KLHL18: variants seen among roughly 807,000 people sequenced by gnomAD.
The protein encoded by KLHL18 is kelch-like protein 18.
A neutral mutation model predicts 58.5 loss-of-function variants in KLHL18; 38 were observed. The observed-to-expected ratio is 0.65, with a 90% CI of 0.50 to 0.85. The LOEUF (loss-of-function observed/expected upper bound fraction) is 0.85. KLHL18 is among the 40% of genes least tolerant of loss of function. KLHL18 has a pLI of 0.00. For missense variants in KLHL18, 624 were observed against 778.4 expected (o/e 0.80, Z 2.36); for synonymous variants, 303 against 301.9 (o/e 1.00, Z -0.04).
At chr3:47,310,120 C>A (rs919566894) in intron 1 of KLHL18, among the ~76,000 whole-genome samples, 1 of 152,168 alleles carries the variant, frequency 6.6e-6, no homozygotes, top group African/African-American at 2.4e-5. Context: ...ATATCTTTTA[C>A]TTTCTTTGGG....
At chr3:47,290,901 G>A (rs1702778358) in intron 1 of KLHL18, among the ~76,000 whole-genome samples, 1 of 152,232 alleles carries the variant, frequency 6.6e-6, no homozygotes, top group Admixed American at 6.5e-5. Flanking sequence ...GAATAATGCT[G>A]TTAAATTTGG....
rs140168010 is a variant in KLHL18, at chr3:47,340,587, C to A, written c.1137C>A (p.Val379=). 1 of 1,613,936 alleles carries A rather than the reference C, an allele frequency of 6.2e-7. No individual in the cohort carries two copies. Reference sequence around the variant, plus strand: ...TCTGTTTCAGTGCCATGGGGACAGTCGTGCTGGATGGGCAGATCTACGTCT... The same window carrying A: ...TCTGTTTCAGTGCCATGGGGACAGTAGTGCTGGATGGGCAGATCTACGTCT... ...MNSKRSAMGT[V]VLDGQIYVCG... The change falls in exon 8 of 10, where the codon GTC becomes GTA. Residue 379 remains valine, a synonymous_variant. Coordinates refer to ENST00000232766, the MANE Select transcript of KLHL18 (RefSeq NM_025010.5).
At chr3:47,316,671 A>G (rs813235) in intron 1 of KLHL18, among the ~76,000 whole-genome samples, 29 of 25,052 alleles carry the variant, frequency 1.2e-3, no homozygotes, top group East Asian at 7.3e-3. Context: ...ATATATACGT[A>G]TATATGTATA....
Position 47,313,156 on chromosome 3 carries a change from G to A in KLHL18, c.130-6497G>A, listed in dbSNP as rs113925399. ...GATCTTCCGACCTTGTGATCCGCCC[G>A]TCTCGGCCTCCCAAAGTGCTGGGAT... On this transcript the variant is annotated intron_variant, in intron 1 of 9. Transcript: ENST00000232766. 6.5e-3 allele frequency among the ~76,000 whole-genome samples: 976 copies of A among 150,712 alleles called. 7 individuals are homozygous for A. Among genetic ancestry groups the A allele is most frequent in the African/African-American group, 0.021 (854 of 41,058 alleles).
intron 1 of KLHL18, among the ~76,000 whole-genome samples, chr3:47,292,405 CA>C (rs1318490489): frequency 3.3e-5 from 5 of 150,790 alleles, no homozygotes; most frequent in Admixed American, 6.6e-5. Context: ...ACCCAGGAGG[CA>C]GAGGTTGCAG....
Position 47,344,752 on chromosome 3 carries a change from T to C in KLHL18, c.*811T>C, listed in dbSNP as rs1029485263. ...ATCTATGTTTAAATGGAAAATCGTC[T>C]AACTGGAGAAGGGCGGTATCCACCC... On this transcript the variant is annotated 3_prime_UTR_variant, in exon 10 of 10. Coordinates refer to ENST00000232766, the MANE Select transcript of KLHL18 (RefSeq NM_025010.5). 6.6e-6 allele frequency: 1 copy of C among 152,624 alleles called. No homozygotes were observed. 9.5% of individuals were successfully genotyped at this position (152,624 alleles called of 1,614,324 possible).
At chr3:47,316,441 A>C (rs931361308) in intron 1 of KLHL18, among the ~76,000 whole-genome samples, 2 of 148,504 alleles carry the variant, frequency 1.3e-5, no homozygotes, top group Non-Finnish European at 3.0e-5. Context: ...TGAGCAACAA[A>C]GCAGGACCTG....
chr3:47,302,940 T>G (rs1703058743), intron 1 of KLHL18, among the ~76,000 whole-genome samples: 1 of 152,218 alleles, frequency 6.6e-6, no homozygotes, highest in Non-Finnish European at 1.5e-5. Context: ...CAGCACTGGT[T>G]TGGGAGCTCT....
chr3:47,321,756 G>A (rs1273520968), intron 2 of KLHL18, among the ~76,000 whole-genome samples: 1 of 152,194 alleles, frequency 6.6e-6, no homozygotes, highest in African/African-American at 2.4e-5. Context: ...GCTAGTGAAG[G>A]ATGGTGGAGT....
chr3:47,300,309 A>ATATATATATATATATATG (rs1244173185), intron 1 of KLHL18, among the ~76,000 whole-genome samples: 1 of 144,408 alleles, frequency 6.9e-6, no homozygotes, highest in South Asian at 2.2e-4. Context: ...ATATATATAT[A>ATATATATATATATATATG]TGTGTGTATA....
intron 1 of KLHL18, among the ~76,000 whole-genome samples, chr3:47,318,680 G>A (rs1457557310): frequency 6.6e-6 from 1 of 152,210 alleles, no homozygotes; most frequent in Non-Finnish European, 1.5e-5. Context: ...GGTTGCCCCT[G>A]GGAGTAGGAA....
Position 47,344,268 on chromosome 3 carries a change from CAGA to C in KLHL18, c.*330_*332del. The C allele has an allele frequency of 2.7e-6, 1 of 373,728 alleles. No homozygotes were observed. The highest frequency in any genetic ancestry group is 4.6e-5 in the Admixed American group (1 of 21,674). 23.2% of individuals were successfully genotyped at this position (373,728 alleles called of 1,614,324 possible). A position where few individuals can be genotyped will look rare whatever the true frequency, so the allele number is the denominator to read the frequency against. ...CGCCTCTCTGTGGGCCAGCTGTTCA[CAGA>C]AGGCCTTCCATCTGATGCTCCCCAT... On this transcript the variant is annotated 3_prime_UTR_variant, in exon 10 of 10. Coordinates refer to ENST00000232766, the MANE Select transcript of KLHL18 (RefSeq NM_025010.5).
At chr3:47,335,389 C>T (rs1281887093) in intron 6 of KLHL18, among the ~76,000 whole-genome samples, 3 of 152,250 alleles carry the variant, frequency 2.0e-5, no homozygotes, top group East Asian at 3.8e-4. Context: ...ACATGCTTTA[C>T]AGTCCGTGGG....
chr3:47,303,074 T>A (rs1278095572), intron 1 of KLHL18, among the ~76,000 whole-genome samples: 2 of 152,222 alleles, frequency 1.3e-5, no homozygotes, highest in Non-Finnish European at 2.9e-5. Context: ...CATGATCTCT[T>A]CCATGACTGG....
At chr3:47,333,928 C>G (rs1426637701) in intron 5 of KLHL18, among the ~76,000 whole-genome samples, 1 of 152,252 alleles carries the variant, frequency 6.6e-6, no homozygotes. Flanking sequence ...AATGTTCATT[C>G]TCCTCCAGAT....
At chr3:47,311,171 G>A (rs1048973387) in intron 1 of KLHL18, among the ~76,000 whole-genome samples, 61 of 151,896 alleles carry the variant, frequency 4.0e-4, no homozygotes, top group African/African-American at 1.4e-3. Flanking sequence ...CGCTTCGCCC[G>A]GCTAATTTTT....
rs1165996712 is a variant in KLHL18 at position 47,344,797 on chromosome 3, C to T, written c.*856C>T. ...CCACCCCACATTCGGATCCCAGGGT[C>T]CTGAGGCCTCGCATTGAGCTGGGGG... On this transcript the variant is annotated 3_prime_UTR_variant, in exon 10 of 10. Coordinates refer to ENST00000232766, the MANE Select transcript of KLHL18 (RefSeq NM_025010.5). 1 of 152,656 alleles carries T rather than the reference C, an allele frequency of 6.6e-6. No homozygotes were observed. The highest frequency in any genetic ancestry group is 1.5e-5 in the Non-Finnish European group (1 of 68,066). 9.5% of individuals were successfully genotyped at this position (152,656 alleles called of 1,614,324 possible). A position where few individuals can be genotyped will look rare whatever the true frequency, so the allele number is the denominator to read the frequency against.
chr3:47,322,701 C>A lies in KLHL18; in HGVS notation c.394C>A (p.Arg132=). ...CAAAGACGCCTGCTGCACATTCCTT[C>A]GAGAACGGTGAGGTGATGTGGTGGG... The part of the protein sequence containing the change: ...SIKDACCTFL[R]ERLHPKNCLG... The change falls in exon 3 of 10, where the codon CGA becomes AGA. Residue 132 remains arginine, a synonymous_variant. Transcript: ENST00000232766. 1.3e-6 allele frequency: 2 copies of A among 1,584,820 alleles called. No homozygotes were observed. The highest frequency in any genetic ancestry group is 8.6e-7 in the Non-Finnish European group (1 of 1,166,116).
At chr3:47,335,601 G>A (rs1044376318) in intron 6 of KLHL18, among the ~76,000 whole-genome samples, 4 of 152,178 alleles carry the variant, frequency 2.6e-5, no homozygotes, top group Non-Finnish European at 5.9e-5. Context: ...TCTGCCTCCC[G>A]GGTTCAAGCA....
Sources: allele counts gnomAD v4.1 joint callset (sites outside exome capture counted in the v4.1 genomes callset), GRCh38; gene constraint gnomAD v4.1.1; transcripts MANE v1.5; gene names NCBI Gene and HGNC (gene_info 2026-07-23, HGNC 2026-07-21).